MPC2: variants seen among roughly 807,000 people sequenced by gnomAD.
MPC2 encodes mitochondrial pyruvate carrier 2, also known as brain protein 44.
Under a neutral mutation model 19.2 loss-of-function variants are expected in MPC2, and 19 were observed. That is an observed-to-expected ratio of 0.99 (90% CI 0.69 to 1.45). The LOEUF (loss-of-function observed/expected upper bound fraction) is 1.45. Among genes scored for constraint, MPC2 ranks in the 40% most tolerant of loss-of-function variants. The pLI is 0.00. For missense variants in MPC2, 122 were observed against 153.0 expected (o/e 0.80, Z 1.07); for synonymous variants, 61 against 54.3 (o/e 1.12, Z -0.54).
chr1:167,925,544 T>G (rs1014372931), intron 2 of MPC2, among the ~76,000 whole-genome samples: 8 of 135,986 alleles, frequency 5.9e-5, no homozygotes, highest in African/African-American at 1.9e-4. Context: ...GTTTTTTTTT[T>G]GGTTTTTTTT....
chr1:167,925,455 A>ATATATC (rs1557854050), intron 2 of MPC2, among the ~76,000 whole-genome samples: 4 of 110,826 alleles, frequency 3.6e-5, no homozygotes, highest in African/African-American at 1.7e-4. Context: ...ATATATATAT[A>ATATATC]TATATATATA....
At position 167,924,542 on chromosome 1, in the gene MPC2, A is replaced by AG. The variant is rs1167020820; in HGVS notation, c.110-6_110-5insC. 1 of 1,507,578 alleles carries AG rather than the reference A, an allele frequency of 6.6e-7. No homozygotes were observed. 93.4% of individuals were successfully genotyped at this position (1,507,578 alleles called of 1,614,324 possible). On this transcript the variant is annotated splice_region_variant and splice_polypyrimidine_tract_variant and intron_variant, in intron 2 of 5. Coordinates refer to ENST00000271373, the MANE Select transcript of MPC2 (RefSeq NM_001143674.4). The stretch of plus-strand genomic sequence containing the variant: ...AGAAGAAAACTGTTCTGGGACCTGA[A>AG]AAAAAAAAGAAAAGAAAAATTCAGG...
At chr1:167,926,914 A>C (rs999650742) in intron 2 of MPC2, among the ~76,000 whole-genome samples, 2 of 151,960 alleles carry the variant, frequency 1.3e-5, no homozygotes, top group African/African-American at 2.4e-5. Context: ...AAACAAAAAA[A>C]CTCCAGGTTA....
At chr1:167,919,880 C>T in intron 5 of MPC2, 99 bp downstream of exon 5, 1 of 688,122 alleles carries the variant, frequency 1.5e-6, no homozygotes, top group Non-Finnish European at 2.5e-6. Flanking sequence ...CCATCTCCAG[C>T]CTGGGCAACA....
chr1:167,928,240 C>T (rs1261041783), intron 2 of MPC2, among the ~76,000 whole-genome samples: 2 of 149,016 alleles, frequency 1.3e-5, no homozygotes, highest in Non-Finnish European at 3.0e-5. Context: ...CCCAGCTACT[C>T]GGGAGGCTGA....
At chr1:167,926,648 C>A (rs561177840) in intron 2 of MPC2, among the ~76,000 whole-genome samples, 2 of 152,160 alleles carry the variant, frequency 1.3e-5, no homozygotes, top group Admixed American at 1.3e-4. Flanking sequence ...CTGCTGCTGC[C>A]GTCTAGTGGG....
At chr1:167,930,383 C>T (rs1310085895) in intron 2 of MPC2, among the ~76,000 whole-genome samples, 2 of 152,142 alleles carry the variant, frequency 1.3e-5, no homozygotes, top group East Asian at 1.9e-4. Flanking sequence ...AAATCATCTA[C>T]TGTAGGCACT....
At chr1:167,926,698 G>C (rs1670765416) in intron 2 of MPC2, among the ~76,000 whole-genome samples, 2 of 152,184 alleles carry the variant, frequency 1.3e-5, no homozygotes, top group African/African-American at 4.8e-5. Context: ...CCAATGCGCA[G>C]GACAGCCGCT....
chr1:167,936,605 G>A (rs1009335579), intron 1 of MPC2: 3 of 351,916 alleles, frequency 8.5e-6, no homozygotes, highest in African/African-American at 2.2e-5. Context: ...GACGAGGAGA[G>A]GGAGGAGTCG....
intron 3 of MPC2, among the ~76,000 whole-genome samples, chr1:167,923,944 C>A (rs77912145): frequency 6.6e-6 from 1 of 152,312 alleles, no homozygotes; most frequent in Non-Finnish European, 1.5e-5. Context: ...TGATTTGCTA[C>A]AAACAGCCAC....
chr1:167,924,071 A>T (rs868081032), intron 3 of MPC2, among the ~76,000 whole-genome samples: 6 of 152,328 alleles, frequency 3.9e-5, no homozygotes, highest in South Asian at 2.1e-4. Flanking sequence ...AAATGCTAAT[A>T]TTTATATTCG....
chr1:167,931,892 T>G (rs918234502), intron 2 of MPC2, among the ~76,000 whole-genome samples: 27 of 152,192 alleles, frequency 1.8e-4, no homozygotes, highest in African/African-American at 6.3e-4. Context: ...GTCTTTAAAA[T>G]TAAACAAGCT....
chr1:167,935,960 T>G (rs1011915106), intron 1 of MPC2, 62 bp from the exon 2 acceptor site: 1 of 739,574 alleles, frequency 1.4e-6, no homozygotes. Flanking sequence ...GCCTCTCGCC[T>G]GGAGTACCCT....
At chr1:167,933,896 G>A (rs761441850) in intron 2 of MPC2, among the ~76,000 whole-genome samples, 7 of 152,172 alleles carry the variant, frequency 4.6e-5, no homozygotes, top group Non-Finnish European at 5.9e-5. Flanking sequence ...TGCAAACGCT[G>A]TGCTACATGT....
At position 167,917,597 on chromosome 1, in the gene MPC2, C is replaced by CAAAAAAAAA. The variant is rs36120795; in HGVS notation, c.*717_*725dup. The CAAAAAAAAA allele has an allele frequency of 2.5e-5, 2 of 79,834 alleles. No homozygotes were observed. The highest frequency in any genetic ancestry group is 5.0e-5 in the African/African-American group (1 of 20,182). The allele number at this position is 79,834 out of a possible 1,614,324, so 4.9% of individuals were successfully genotyped here. ...TGGGCCACAGAGCGAGACCCTGTCTCAAAAAAAAAAAAAAAAAAAAAGTCA... is the reference window on the plus strand; with the variant it reads ...TGGGCCACAGAGCGAGACCCTGTCTCAAAAAAAAAAAAAAAAAAAAAAAAAAAAAAGTCA... On this transcript the variant is annotated 3_prime_UTR_variant, in exon 6 of 6. Transcript: ENST00000271373.
chr1:167,926,496 A>G (rs1282192666), intron 2 of MPC2, among the ~76,000 whole-genome samples: 3 of 152,254 alleles, frequency 2.0e-5, no homozygotes, highest in Admixed American at 6.5e-5. Flanking sequence ...ACATGAAGCC[A>G]CTGAGTTTCA....
chr1:167,925,442 C>CACATATATATAT (rs1553200803), intron 2 of MPC2, among the ~76,000 whole-genome samples: 10 of 82,472 alleles, frequency 1.2e-4, no homozygotes, highest in South Asian at 4.1e-4. Context: ...TACATATACA[C>CACATATATATAT]ATATATATAT....
intron 2 of MPC2, among the ~76,000 whole-genome samples, chr1:167,927,714 T>C (rs1341485352): frequency 1.3e-5 from 2 of 152,242 alleles, no homozygotes; most frequent in Non-Finnish European, 2.9e-5. Flanking sequence ...GTTTGCCTGG[T>C]AACTAATTTA....
intron 1 of MPC2, 88 bp downstream of exon 1, chr1:167,936,851 C>G (rs984134355): frequency 1.4e-6 from 2 of 1,382,084 alleles, no homozygotes; most frequent in African/African-American, 2.9e-5. Context: ...ACGGGTGTCC[C>G]CTCCCCCTCC....
Sources: gnomAD v4.1 joint callset for allele counts (sites outside exome capture counted in the v4.1 genomes callset) on GRCh38, gnomAD v4.1.1 for gene constraint, MANE v1.5 for transcripts, NCBI Gene and HGNC (gene_info 2026-07-23, HGNC 2026-07-21) for gene names.